The following CHSY3 variants were observed in gnomAD, a reference collection of about 807,000 sequenced individuals.
CHSY3 encodes chondroitin sulfate synthase 3, also known as N-acetylgalactosaminyl-proteoglycan 3-beta-glucuronosyltransferase 3.
A neutral mutation model predicts 67.2 loss-of-function variants in CHSY3; 35 were observed. The observed-to-expected ratio is 0.52, with a 90% CI of 0.40 to 0.69. The LOEUF is 0.69. CHSY3 is among the 30% of genes least tolerant of loss of function. CHSY3 has a pLI of 0.00. For missense variants in CHSY3, 1,069 were observed against 1,138.5 expected, an observed-to-expected ratio of 0.94 and a Z score of 0.88; for synonymous variants, 474 against 434.7, an observed-to-expected ratio of 1.09 and a Z score of -1.12.
intron 2 of CHSY3, among the ~76,000 whole-genome samples, chr5:130,023,790 A>G (rs1258590007): frequency 6.6e-6 from 1 of 151,916 alleles, no homozygotes; most frequent in East Asian, 1.9e-4. Context: ...GGTCTCATGT[A>G]TTAATAAAGT....
chr5:130,115,698 G>C (rs1454397680), intron 2 of CHSY3, among the ~76,000 whole-genome samples: 1 of 152,110 alleles, frequency 6.6e-6, no homozygotes, highest in African/African-American at 2.4e-5. Context: ...TCTTACTTGG[G>C]TTATTGTAGC....
At chr5:129,988,080 T>C (rs867656117) in intron 2 of CHSY3, among the ~76,000 whole-genome samples, 1 of 152,220 alleles carries the variant, frequency 6.6e-6, no homozygotes, top group African/African-American at 2.4e-5. Flanking sequence ...AGGACACTTA[T>C]AGACATAAAA....
chr5:130,113,368 G>A (rs574071390), intron 2 of CHSY3, among the ~76,000 whole-genome samples: 5 of 152,196 alleles, frequency 3.3e-5, no homozygotes, highest in African/African-American at 1.2e-4. Flanking sequence ...CTCAATCTCT[G>A]TAGGAATGTA....
chr5:129,905,052 T>A lies in CHSY3; in HGVS notation c.223T>A (p.Ser75Thr), dbSNP rs1433779181. The change falls in exon 1 of 3, where the codon TCG becomes ACG. Residue 75 changes from serine (S) to threonine (T), a missense_variant. Ser to Thr is a moderately conservative substitution (Grantham distance 58). Around this residue, in one of 5 missense-constraint regions of CHSY3, gnomAD observed 309 missense variants for 262.5 expected, o/e 1.18. Transcript: ENST00000305031. ...QPQSRPRQEQ[S>T]PPPARQDLQG... ...CCAGTCCCGACCACGGCAGGAGCAG[T>A]CGCCGCCCCCCGCGCGCCAGGATCT... The A allele has an allele frequency of 6.5e-7, 1 of 1,549,002 alleles. No homozygotes were observed. Among genetic ancestry groups the A allele is most frequent in the East Asian group, 2.4e-5 (1 of 41,496 alleles).
intron 2 of CHSY3, among the ~76,000 whole-genome samples, chr5:129,951,666 AC>A (rs960144335): frequency 6.6e-6 from 1 of 152,112 alleles, no homozygotes; most frequent in African/African-American, 2.4e-5. Flanking sequence ...AGGGATCTCC[AC>A]CCATTGTCTC....
intron 2 of CHSY3, among the ~76,000 whole-genome samples, chr5:130,017,399 T>C (rs1388407712): frequency 1.3e-5 from 2 of 152,090 alleles, no homozygotes; most frequent in African/African-American, 4.8e-5. Context: ...ATCTTCCCAC[T>C]GCCTCTCCAG....
chr5:130,035,886 G>GCTT (rs1764846616), intron 2 of CHSY3, among the ~76,000 whole-genome samples: 3 of 65,532 alleles, frequency 4.6e-5, no homozygotes, highest in African/African-American at 1.8e-4. Context: ...TCATTTGGTT[G>GCTT]TTTTTTTTTT....
intron 2 of CHSY3, among the ~76,000 whole-genome samples, chr5:129,965,316 A>T (rs75260788): frequency 1.1e-3 from 163 of 152,054 alleles, no homozygotes; most frequent in African/African-American, 3.8e-3. Flanking sequence ...GATATATTCT[A>T]CCTTACCAGC....
chr5:130,036,998 T>G (rs1235434858), intron 2 of CHSY3, among the ~76,000 whole-genome samples: 1 of 152,106 alleles, frequency 6.6e-6, no homozygotes, highest in Admixed American at 6.5e-5. Context: ...TCATGTGGCA[T>G]GTAGATCCTC....
chr5:130,085,671 T>C (rs571053635), intron 2 of CHSY3, among the ~76,000 whole-genome samples: 56 of 151,852 alleles, frequency 3.7e-4, no homozygotes, highest in African/African-American at 1.3e-3. Flanking sequence ...GTGTTTGCTC[T>C]TGCTTTTCTA....
At chr5:130,139,299 C>T (rs961637353) in intron 2 of CHSY3, among the ~76,000 whole-genome samples, 1 of 152,152 alleles carries the variant, frequency 6.6e-6, no homozygotes, top group African/African-American at 2.4e-5. Flanking sequence ...TAGCAAGACA[C>T]ATTGGAATGA....
chr5:130,006,677 TA>T (rs1763886859), intron 2 of CHSY3, among the ~76,000 whole-genome samples: 1 of 152,226 alleles, frequency 6.6e-6, no homozygotes, highest in South Asian at 2.1e-4. Context: ...AATAATATGA[TA>T]TTTTTAAGAA....
chr5:130,179,110 T>G (rs1191512082), intron 2 of CHSY3, among the ~76,000 whole-genome samples: 2 of 152,236 alleles, frequency 1.3e-5, no homozygotes, highest in South Asian at 2.1e-4. Flanking sequence ...CTCATTGAGT[T>G]CAATAAATAG....
chr5:130,147,622 G>T (rs1769109707), intron 2 of CHSY3, among the ~76,000 whole-genome samples: 1 of 151,970 alleles, frequency 6.6e-6, no homozygotes, highest in South Asian at 2.1e-4. Context: ...AATTTAACTG[G>T]CTCCTGATTC....
chr5:130,087,605 C>G (rs551613594), intron 2 of CHSY3, among the ~76,000 whole-genome samples: 3 of 151,856 alleles, frequency 2.0e-5, no homozygotes, highest in African/African-American at 4.8e-5. Context: ...CATGAGTGAA[C>G]TCCCATTCAC....
At position 129,905,044 on chromosome 5, in the gene CHSY3, A is replaced by G. The variant is rs1306430501; in HGVS notation, c.215A>G (p.Gln72Arg). The G allele has an allele frequency of 3.9e-6, 6 of 1,552,384 alleles. No homozygotes were observed. The highest frequency in any genetic ancestry group is 3.7e-5 in the Admixed American group (2 of 54,760). The change falls in exon 1 of 3, where the codon CAG becomes CGG. Residue 72 changes from glutamine to arginine, a missense_variant. By Grantham distance (43) the Gln-to-Arg change is conservative (BLOSUM62 1). Coordinates refer to ENST00000305031, the MANE Select transcript of CHSY3 (RefSeq NM_175856.5). ...CCCCAGCCCCAGTCCCGACCACGGC[A>G]GGAGCAGTCGCCGCCCCCCGCGCGC... The part of the protein sequence containing the change: ...PLPQPQSRPR[Q>R]EQSPPPARQD...
rs572422501 is a variant in CHSY3 at position 130,008,823 on chromosome 5, A to T, written c.1086+100463A>T. Among the ~76,000 whole-genome samples, 3 of 152,342 alleles carry T rather than the reference A, an allele frequency of 2.0e-5. No individual in the cohort carries two copies. The East Asian group carries it at 5.8e-4, about 29-fold the overall frequency. On this transcript the variant is annotated intron_variant, in intron 2 of 2. Transcript: ENST00000305031. ...CTACAAGAAATTCATTCTATATTCG[A>T]AGTATTCACAGCAGAGCAGAGGTAA... is the stretch of plus-strand genomic sequence containing the variant.
At chr5:130,033,913 T>C (rs967096272) in intron 2 of CHSY3, among the ~76,000 whole-genome samples, 1 of 152,210 alleles carries the variant, frequency 6.6e-6, no homozygotes, top group African/African-American at 2.4e-5. Context: ...TTTGCAATTC[T>C]CTGGATGTTT....
chr5:129,977,520 A>T (rs989643871), intron 2 of CHSY3, among the ~76,000 whole-genome samples: 1 of 152,196 alleles, frequency 6.6e-6, no homozygotes, highest in Non-Finnish European at 1.5e-5. Flanking sequence ...GCTTATCTGT[A>T]AGATGGTTTT....
Sources: gnomAD v4.1 joint callset for allele counts (sites outside exome capture counted in the v4.1 genomes callset) on GRCh38, gnomAD v4.1.1 for gene constraint, gnomAD v4.1.1 regional missense constraint, MANE v1.5 for transcripts, NCBI Gene and HGNC (gene_info 2026-07-23, HGNC 2026-07-21) for gene names.